SMIM21: variants seen among roughly 807,000 people sequenced by gnomAD.
The protein encoded by SMIM21 is chromosome 18 open reading frame 62.
In SMIM21, 8 loss-of-function variants were observed where a neutral mutation model predicts 8.6. That is an observed-to-expected ratio of 0.93 (90% CI 0.55 to 1.68). The LOEUF is 1.68. SMIM21 is among the 40% of genes most tolerant of loss of function. The probability of loss-of-function intolerance (pLI) is 0.00; values close to 1 mark genes in which losing one functional copy is unlikely to be tolerated. For synonymous variants in SMIM21, 43 were observed against 41.7 expected (o/e 1.03, Z -0.12); for missense variants, 132 against 123.0 (o/e 1.07, Z -0.35).
intron 1 of SMIM21, among the ~76,000 whole-genome samples, chr18:75,421,646 C>T (rs758325928): frequency 2.3e-4 from 35 of 152,120 alleles, no homozygotes; most frequent in Non-Finnish European, 1.0e-4. Flanking sequence ...TACCCAAGAA[C>T]TTTGGGACTA....
At position 75,410,491 on chromosome 18, in the gene SMIM21, G is replaced by A. The variant is rs912388241; in HGVS notation, c.*373C>T. On this transcript the variant is annotated 3_prime_UTR_variant, in exon 3 of 3. Coordinates refer to ENST00000579022, the MANE Select transcript of SMIM21 (RefSeq NM_001037331.3). ...AGAGCCTTAGGTGGTCCCGAAATAA[G>A]TGAAAGCACTTGCAAGGAAAAAGTT... 4.0e-6 allele frequency: 1 copy of A among 248,224 alleles called. No homozygotes were observed. The highest frequency in any genetic ancestry group is 7.7e-6 in the Non-Finnish European group (1 of 129,088). 15.4% of individuals were successfully genotyped at this position (248,224 alleles called of 1,614,324 possible).
chr18:75,427,546 G>A lies in SMIM21; in HGVS notation c.18C>T (p.Ser6=). 6.2e-7 allele frequency: 1 copy of A among 1,612,342 alleles called. No individual in the cohort carries two copies. The highest frequency in any genetic ancestry group is 8.5e-7 in the Non-Finnish European group (1 of 1,179,318). ...CTATAGGGAATCGGGGAGGAGCTGTGGACACATACTGGTCCATGTGGGGGC... is the reference window on the plus strand; with the variant it reads ...CTATAGGGAATCGGGGAGGAGCTGTAGACACATACTGGTCCATGTGGGGGC... MDQYV[S]TAPPRFPIAQ... is the part of the protein sequence containing the mutation. Residue 6 remains serine, a synonymous_variant, in exon 1 of 3, where the codon TCC becomes TCT. Transcript: ENST00000579022.
intron 2 of SMIM21, chr18:75,418,225 C>T: frequency 2.5e-6 from 1 of 398,428 alleles, no homozygotes. Context: ...AATATGCCTT[C>T]CAGTTTAAAT....
intron 2 of SMIM21, among the ~76,000 whole-genome samples, chr18:75,415,482 G>A (rs2024633878): frequency 6.6e-6 from 1 of 152,172 alleles, no homozygotes; most frequent in Non-Finnish European, 1.5e-5. Context: ...CAACATCTGC[G>A]GTCCTGGGGA....
At chr18:75,426,528 A>G (rs994782270) in intron 1 of SMIM21, among the ~76,000 whole-genome samples, 3 of 151,094 alleles carry the variant, frequency 2.0e-5, no homozygotes, top group African/African-American at 7.3e-5. Context: ...CCAGGATAGT[A>G]TCAATCTCCT....
chr18:75,420,634 AG>A (rs1371180834), intron 1 of SMIM21, among the ~76,000 whole-genome samples: 2 of 152,202 alleles, frequency 1.3e-5, no homozygotes, highest in Admixed American at 1.3e-4. Flanking sequence ...CACTGGGCTG[AG>A]GAGTAAGTGA....
Position 75,426,340 on chromosome 18 carries a change from C to T in SMIM21, c.129+1095G>A, listed in dbSNP as rs180971520. ...GTTTGTTTTTTGAGGGACAGAGTCT[C>T]GCTCTGTCACCCAGCCTGGAGTGCA... On this transcript the variant is annotated intron_variant, in intron 1 of 2. Coordinates refer to ENST00000579022, the MANE Select transcript of SMIM21 (RefSeq NM_001037331.3). Among the ~76,000 whole-genome samples the T allele has an allele frequency of 8.3e-3, 1,268 of 151,968 alleles. 46 individuals carry two copies. The South Asian group carries it at 0.13, about 15-fold the overall frequency.
intron 1 of SMIM21, among the ~76,000 whole-genome samples, chr18:75,422,113 A>G (rs2024714883): frequency 6.6e-6 from 1 of 152,174 alleles, no homozygotes; most frequent in Non-Finnish European, 1.5e-5. Context: ...CCGCCCACCC[A>G]GCAGGGCCAC....
intron 1 of SMIM21, among the ~76,000 whole-genome samples, chr18:75,423,874 C>T (rs1056444294): frequency 1.2e-4 from 19 of 152,090 alleles, no homozygotes; most frequent in Middle Eastern, 6.8e-3. Flanking sequence ...TTTTTTTTTA[C>T]TAATGGCCTT....
intron 1 of SMIM21, among the ~76,000 whole-genome samples, chr18:75,424,531 C>T (rs899405183): frequency 1.3e-5 from 2 of 152,136 alleles, no homozygotes; most frequent in Non-Finnish European, 2.9e-5. Context: ...ATTGATAGGA[C>T]TGTTGAAATC....
chr18:75,410,685 C>G lies in SMIM21; in HGVS notation c.*179G>C. 7.1e-7 allele frequency: 1 copy of G among 1,409,602 alleles called. No individual in the cohort carries two copies. Among genetic ancestry groups the G allele is most frequent in the South Asian group, 1.7e-5 (1 of 58,960 alleles). The allele number at this position is 1,409,602 out of a possible 1,614,324, so 87.3% of individuals were successfully genotyped here. On this transcript the variant is annotated 3_prime_UTR_variant, in exon 3 of 3. Transcript: ENST00000579022. ...AAAAAGGAAGAGTGCCCCTCAAGAA[C>G]AAAGCAGACATTATCATTGCAAAAA...
At position 75,410,764 on chromosome 18, in the gene SMIM21, T is replaced by A; in HGVS notation, c.*100A>T. Reference sequence around the variant, plus strand: ...GCTCCTTTTAAAAAGTGAGCAATAATCTGCTATCTCTAAGCAATCTGATTT... The same window carrying A: ...GCTCCTTTTAAAAAGTGAGCAATAAACTGCTATCTCTAAGCAATCTGATTT... On this transcript the variant is annotated 3_prime_UTR_variant, in exon 3 of 3. Coordinates refer to ENST00000579022, the MANE Select transcript of SMIM21 (RefSeq NM_001037331.3). 1 of 1,564,858 alleles carries A rather than the reference T, an allele frequency of 6.4e-7. No homozygotes were observed. The highest frequency in any genetic ancestry group is 8.6e-7 in the Non-Finnish European group (1 of 1,158,042).
At chr18:75,412,074 C>T (rs2024590556) in intron 2 of SMIM21, among the ~76,000 whole-genome samples, 1 of 152,218 alleles carries the variant, frequency 6.6e-6, no homozygotes, top group African/African-American at 2.4e-5. Flanking sequence ...TGGCATAGAA[C>T]ATGGACCCCA....
At chr18:75,416,352 T>G (rs2024644840) in intron 2 of SMIM21, 1 of 152,276 alleles carries the variant, frequency 6.6e-6, no homozygotes, top group East Asian at 1.9e-4. Context: ...ATAAGTATTC[T>G]TTATCCCTTT....
chr18:75,414,961 T>G (rs1213573352), intron 2 of SMIM21, among the ~76,000 whole-genome samples: 3 of 152,212 alleles, frequency 2.0e-5, no homozygotes, highest in Non-Finnish European at 4.4e-5. Context: ...AAAATGTGTT[T>G]GTAAGAATGG....
intron 1 of SMIM21, among the ~76,000 whole-genome samples, chr18:75,423,056 A>G (rs775637279): frequency 6.6e-6 from 1 of 152,232 alleles, no homozygotes; most frequent in Admixed American, 6.5e-5. Flanking sequence ...ATTGAGCTCA[A>G]TAAGTTTCAC....
At chr18:75,424,185 G>A (rs2024737621) in intron 1 of SMIM21, among the ~76,000 whole-genome samples, 1 of 152,180 alleles carries the variant, frequency 6.6e-6, no homozygotes, top group Admixed American at 6.5e-5. Context: ...CCATGTTACA[G>A]TATTGATCCA....
chr18:75,423,837 G>A (rs556589308), intron 1 of SMIM21, among the ~76,000 whole-genome samples: 61 of 152,320 alleles, frequency 4.0e-4, no homozygotes, highest in Non-Finnish European at 7.6e-4. Context: ...TAAATTTCAA[G>A]TGTACAAGAG....
chr18:75,425,989 G>A (rs2024757050), intron 1 of SMIM21, among the ~76,000 whole-genome samples: 1 of 152,114 alleles, frequency 6.6e-6, no homozygotes, highest in African/African-American at 2.4e-5. Flanking sequence ...TTGAGGTGCT[G>A]TGTTACCATT....
Sources: allele counts gnomAD v4.1 joint callset (sites outside exome capture counted in the v4.1 genomes callset), GRCh38; gene constraint gnomAD v4.1.1; transcripts MANE v1.5; gene names NCBI Gene and HGNC (gene_info 2026-07-23, HGNC 2026-07-21).